The following RAB3IP variants were observed in gnomAD, a reference collection of about 807,000 sequenced individuals.
The protein encoded by RAB3IP is RAB3A interacting protein.
Under a neutral mutation model 59.1 loss-of-function variants are expected in RAB3IP, and 36 were observed. That is an observed-to-expected ratio of 0.61 (90% CI 0.47 to 0.80). RAB3IP has a LOEUF of 0.80. RAB3IP is among the 30% of genes least tolerant of loss of function. The pLI is 0.00. For synonymous variants in RAB3IP, 207 were observed against 191.2 expected (o/e 1.08, Z -0.68); for missense variants, 511 against 536.0 (o/e 0.95, Z 0.46).
chr12:69,764,334 G>A (rs1174619846), intron 3 of RAB3IP, among the ~76,000 whole-genome samples: 1 of 152,096 alleles, frequency 6.6e-6, no homozygotes, highest in Admixed American at 6.5e-5. Flanking sequence ...AGGGGGATGG[G>A]TATTCCAGTT....
chr12:69,796,081 A>G (rs1877393372), intron 6 of RAB3IP: 1 of 152,412 alleles, frequency 6.6e-6, no homozygotes. Context: ...CCGGAGGATC[A>G]CCTGAGGTTG....
intron 10 of RAB3IP, among the ~76,000 whole-genome samples, chr12:69,814,366 C>A (rs1880873232): frequency 1.3e-5 from 2 of 151,942 alleles, no homozygotes; most frequent in African/African-American, 4.8e-5. Context: ...TAGTACATAT[C>A]ATTTAGTATG....
chr12:69,808,558 A>G (rs572142602), intron 8 of RAB3IP, among the ~76,000 whole-genome samples: 4 of 152,154 alleles, frequency 2.6e-5, no homozygotes, highest in African/African-American at 4.8e-5. Context: ...GTAGGTCACT[A>G]AGGACTTGCT....
At chr12:69,771,500 C>A (rs1873107821) in intron 3 of RAB3IP, among the ~76,000 whole-genome samples, 1 of 150,764 alleles carries the variant, frequency 6.6e-6, no homozygotes, top group Non-Finnish European at 1.5e-5. Flanking sequence ...GCACTCCAGC[C>A]TGGGTGACAG....
At position 69,801,674 on chromosome 12, in the gene RAB3IP, A is replaced by G. The variant is rs747282825; in HGVS notation, c.1083A>G (p.Gln361=). ...TAAGCATTGAACCAGTGGGATTACA[A>G]CCTATCCGGTTTGTGAAAGCTTCTG... is the stretch of plus-strand genomic sequence containing the variant. ...NTLSIEPVGL[Q]PIRFVKASAV... is the part of the protein sequence containing the mutation. The change falls in exon 8 of 11, where the codon CAA becomes CAG. Residue 361 remains glutamine (Q), a synonymous_variant. Coordinates refer to ENST00000247833, the MANE Select transcript of RAB3IP (RefSeq NM_022456.5). The G allele has an allele frequency of 1.9e-6, 3 of 1,613,110 alleles. No homozygotes were observed. The highest frequency in any genetic ancestry group is 2.5e-6 in the Non-Finnish European group (3 of 1,179,440).
In RAB3IP at chr12:69,818,090, G is replaced by C. The variant is rs1185984142; in HGVS notation, c.*2644G>C. On this transcript the variant is annotated 3_prime_UTR_variant, in exon 11 of 11. Coordinates refer to ENST00000247833, the MANE Select transcript of RAB3IP (RefSeq NM_022456.5). ...AAGTCAAGTTTTGGAGAGGGTTTTA[G>C]TCATTAGGATCACTCACATATTGCT... The C allele has an allele frequency of 6.6e-6, 1 of 152,158 alleles. No homozygotes were observed. The highest frequency in any genetic ancestry group is 1.5e-5 in the Non-Finnish European group (1 of 68,026). 9.4% of individuals were successfully genotyped at this position (152,158 alleles called of 1,614,324 possible).
At chr12:69,797,254 G>A (rs527872115) in intron 6 of RAB3IP, among the ~76,000 whole-genome samples, 44 of 152,186 alleles carry the variant, frequency 2.9e-4, no homozygotes, top group African/African-American at 9.6e-4. Flanking sequence ...ATTTGAATTC[G>A]GACTTTACTG....
At chr12:69,753,629 A>T (rs1869697875) in intron 1 of RAB3IP, among the ~76,000 whole-genome samples, 1 of 152,068 alleles carries the variant, frequency 6.6e-6, no homozygotes, top group Admixed American at 6.6e-5. Flanking sequence ...GATTATAGGT[A>T]TGAGCCACCA....
At chr12:69,739,066 G>C (rs1886975542) in intron 1 of RAB3IP, 35 bp downstream of exon 1, 1 of 152,032 alleles carries the variant, frequency 6.6e-6, no homozygotes. Context: ...GGCCCGGAGC[G>C]TAGAGCACCG....
intron 8 of RAB3IP, among the ~76,000 whole-genome samples, chr12:69,811,453 A>G (rs972028035): frequency 6.6e-6 from 1 of 152,256 alleles, no homozygotes; most frequent in African/African-American, 2.4e-5. Context: ...CCACCTTACC[A>G]GATCCCTTTC....
chr12:69,808,381 G>A (rs1027513573), intron 8 of RAB3IP, among the ~76,000 whole-genome samples: 1 of 152,200 alleles, frequency 6.6e-6, no homozygotes, highest in African/African-American at 2.4e-5. Context: ...ATTTGGGGTG[G>A]AGAGTTCTGT....
intron 1 of RAB3IP, among the ~76,000 whole-genome samples, chr12:69,742,624 G>A (rs1887455194): frequency 6.6e-6 from 1 of 152,192 alleles, no homozygotes; most frequent in Non-Finnish European, 1.5e-5. Flanking sequence ...GTACTGTGCT[G>A]TGTTTGGTGA....
At chr12:69,740,007 T>C in intron 1 of RAB3IP, 1 of 758,302 alleles carries the variant, frequency 1.3e-6, no homozygotes, top group Non-Finnish European at 2.2e-6. Flanking sequence ...TTCCGTTCAG[T>C]GTCGGGTTAA....
chr12:69,784,323 A>G (rs1875263081), intron 3 of RAB3IP, among the ~76,000 whole-genome samples: 1 of 151,882 alleles, frequency 6.6e-6, no homozygotes, highest in Non-Finnish European at 1.5e-5. Context: ...GTAAACATAA[A>G]AAAAGTGTAT....
rs745381717 is a variant in RAB3IP, at chr12:69,815,388, T to G, written c.1325T>G (p.Met442Arg). ...QDVDQMFWEV[M>R]QLRKEMSLAK... ...GTTGATCAGATGTTTTGGGAGGTTA[T>G]GCAGTTGAGAAAAGAGATGTCATTG... The change falls in exon 11 of 11, where the codon ATG becomes AGG. Residue 442 changes from methionine (M) to arginine (R), a missense_variant. Met to Arg is a moderately conservative substitution (Grantham distance 91). Coordinates refer to ENST00000247833, the MANE Select transcript of RAB3IP (RefSeq NM_022456.5). The G allele has an allele frequency of 6.2e-7, 1 of 1,612,022 alleles. No homozygotes were observed. The highest frequency in any genetic ancestry group is 1.7e-5 in the Admixed American group (1 of 59,994).
Position 69,794,259 on chromosome 12 carries a change from C to T in RAB3IP, c.607-178C>T, listed in dbSNP as rs1323682673. The stretch of plus-strand genomic sequence containing the variant: ...TAGGTCCTAAAAGAAGGCACCTATT[C>T]CTAATGTCTCATAGTTTGTCTCTGT... On this transcript the variant is annotated intron_variant, in intron 4 of 10. Coordinates refer to ENST00000247833, the MANE Select transcript of RAB3IP (RefSeq NM_022456.5). Among the ~76,000 whole-genome samples, 6 of 152,152 alleles carry T rather than the reference C, an allele frequency of 3.9e-5. 1 individual carries two copies. The South Asian group carries it at 6.2e-4, about 16-fold the overall frequency.
chr12:69,808,872 T>G (rs1157871836), intron 8 of RAB3IP, among the ~76,000 whole-genome samples: 1 of 152,166 alleles, frequency 6.6e-6, no homozygotes, highest in Non-Finnish European at 1.5e-5. Context: ...GTCTGTGTCT[T>G]TTAATTGGAG....
At chr12:69,813,064 A>G in intron 10 of RAB3IP, 31 bp downstream of exon 10, 1 of 1,527,558 alleles carries the variant, frequency 6.5e-7, no homozygotes, top group Non-Finnish European at 8.9e-7. Context: ...ATAAGTCTTT[A>G]CATAAAAGTT....
chr12:69,751,294 G>A (rs1235326940), intron 1 of RAB3IP, among the ~76,000 whole-genome samples: 12 of 152,162 alleles, frequency 7.9e-5, no homozygotes, highest in Admixed American at 6.5e-5. Flanking sequence ...TTTTGATGGT[G>A]TGCTTGCTTT....
Sources: gnomAD v4.1 joint callset for allele counts (sites outside exome capture counted in the v4.1 genomes callset) on GRCh38, gnomAD v4.1.1 for gene constraint, MANE v1.5 for transcripts, NCBI Gene and HGNC (gene_info 2026-07-23, HGNC 2026-07-21) for gene names.